Variants in PIF1 observed in about 807,000 individuals in gnomAD.
PIF1 encodes ATP-dependent DNA helicase PIF1.
A neutral mutation model predicts 62.3 loss-of-function variants in PIF1; 67 were observed. That is an observed-to-expected ratio of 1.08 (90% CI 0.88 to 1.32). PIF1 has a LOEUF of 1.32. PIF1 is among the 40% of genes most tolerant of loss of function. The pLI, the probability that PIF1 is intolerant of heterozygous loss-of-function variation, is 0.00. For missense variants in PIF1, 886 were observed against 866.1 expected (o/e 1.02, Z -0.29); for synonymous variants, 364 against 379.5 (o/e 0.96, Z 0.47).
chr15:64,822,677 C>G, intron 2 of PIF1, 67 bp from the exon 3 acceptor site: 1 of 1,599,434 alleles, frequency 6.3e-7, no homozygotes, highest in South Asian at 1.1e-5. Context: ...CCCTTCTTGG[C>G]CCATGTGCAA....
intron 8 of PIF1, 33 bp from the exon 9 acceptor site, chr15:64,819,256 A>G (rs1376069328): frequency 7.0e-7 from 1 of 1,430,008 alleles, no homozygotes; most frequent in East Asian, 2.4e-5. Context: ...ACAGATCACA[A>G]ATCACTGACT....
At position 64,819,036 on chromosome 15, in the gene PIF1, C is replaced by G; in HGVS notation, c.1440+81G>C. On this transcript the variant is annotated intron_variant, in intron 9 of 12. Coordinates refer to ENST00000559239, the MANE Select transcript of PIF1 (RefSeq NM_001286496.2). ...GCTGGGCCCACTGGCTGCAGAGTGG[C>G]CTGGGCAGAGGGGTAGGGATCAGCA... 3 of 1,071,512 alleles carry G rather than the reference C, an allele frequency of 2.8e-6. No individual in the cohort carries two copies. The South Asian group carries it at 5.3e-5, about 19-fold the overall frequency. 66.4% of individuals were successfully genotyped at this position (1,071,512 alleles called of 1,614,324 possible).
chr15:64,824,966 T>C (rs1021710262), intron 1 of PIF1, among the ~76,000 whole-genome samples: 6 of 150,862 alleles, frequency 4.0e-5, no homozygotes, highest in East Asian at 1.9e-4. Flanking sequence ...TATATATATA[T>C]ACACACAATA....
chr15:64,824,486 C>G, intron 1 of PIF1, 132 bp from the exon 2 acceptor site: 1 of 533,958 alleles, frequency 1.9e-6, no homozygotes, highest in Non-Finnish European at 2.8e-6. Context: ...CGAGGACTGT[C>G]ACTGGTAACA....
chr15:64,819,572 G>A (rs980208067), intron 8 of PIF1, among the ~76,000 whole-genome samples: 2 of 152,104 alleles, frequency 1.3e-5, no homozygotes, highest in African/African-American at 2.4e-5. Flanking sequence ...GCTTCCCAAA[G>A]TGCTGGAATT....
chr15:64,819,468 G>C (rs1479505431), intron 8 of PIF1, among the ~76,000 whole-genome samples: 1 of 151,956 alleles, frequency 6.6e-6, no homozygotes, highest in East Asian at 1.9e-4. Context: ...TACCACATCT[G>C]GCTAATTTTT....
Position 64,824,131 on chromosome 15 carries a change from A to G in PIF1, c.205T>C (p.Phe69Leu), listed in dbSNP as rs1430668773. The G allele has an allele frequency of 7.8e-7, 1 of 1,283,270 alleles. No homozygotes were observed. The highest frequency in any genetic ancestry group is 9.8e-7 in the Non-Finnish European group (1 of 1,017,190). 79.5% of individuals were successfully genotyped at this position (1,283,270 alleles called of 1,614,324 possible). A position where few individuals can be genotyped will look rare whatever the true frequency, so the allele number is the denominator to read the frequency against. ...APGPAGRPRC[F>L]PLRAARLFTR... ...AAGAGGCGCGCGGCGCGCAGAGGAA[A>G]GCAGCGCGGCCGCCCCGCGGGCCCT... is the stretch of plus-strand genomic sequence containing the variant. Residue 69 changes from phenylalanine (F) to leucine (L), a missense_variant, in exon 2 of 13, where the codon TTT (phenylalanine) becomes CTT (leucine). Coordinates refer to ENST00000559239, the MANE Select transcript of PIF1 (RefSeq NM_001286496.2).
At chr15:64,819,317 AT>A in intron 8 of PIF1, 94 bp from the exon 9 acceptor site, 1 of 892,066 alleles carries the variant, frequency 1.1e-6, no homozygotes, top group Non-Finnish European at 1.7e-6. Context: ...ATTTAATTTA[AT>A]TTTATTTTTT....
intron 2 of PIF1, 174 bp downstream of exon 2, chr15:64,823,604 G>A: frequency 2.3e-6 from 1 of 433,480 alleles, no homozygotes; most frequent in Non-Finnish European, 4.0e-6. Context: ...CTCCATCTCA[G>A]GGATTACACT....
At position 64,823,851 on chromosome 15, in the gene PIF1, G is replaced by C; in HGVS notation, c.485C>G (p.Ala162Gly). ...CGTAGTGTCCGGAACCCGGGTGGCC[G>C]CCCTGAGCCGCCGCTCCTCGGGCTG... ...PVQPEERRLR[A>G]ATRVPDTTLV... is the part of the protein sequence containing the mutation. Residue 162 changes from alanine (A) to glycine (G), a missense_variant, in exon 2 of 13, where the codon GCG (alanine) becomes GGG (glycine). Coordinates refer to ENST00000559239, the MANE Select transcript of PIF1 (RefSeq NM_001286496.2). The C allele has an allele frequency of 7.2e-7, 1 of 1,380,038 alleles. No homozygotes were observed. Among genetic ancestry groups the C allele is most frequent in the Non-Finnish European group, 9.5e-7 (1 of 1,056,046 alleles). 85.5% of individuals were successfully genotyped at this position (1,380,038 alleles called of 1,614,324 possible). A position where few individuals can be genotyped will look rare whatever the true frequency, so the allele number is the denominator to read the frequency against.
rs118062397 is a variant in PIF1 at position 64,821,488 on chromosome 15, A to T, written c.850T>A (p.Cys284Ser). 1 of 1,611,918 alleles carries T rather than the reference A, an allele frequency of 6.2e-7. No individual in the cohort carries two copies. Among genetic ancestry groups the T allele is most frequent in the African/African-American group, 1.3e-5 (1 of 74,274 alleles). The change falls in exon 5 of 13, where the codon TGT becomes AGT. Residue 284 changes from cysteine to serine, a missense_variant. Physicochemically the swap from Cys to Ser is moderately radical, Grantham distance 112. Coordinates refer to ENST00000559239, the MANE Select transcript of PIF1 (RefSeq NM_001286496.2). Reference sequence around the variant, plus strand: ...CCTGGCCTTTGGGCCAGGGCCACACACTGGGCTAGAGGAGCCTGGCCTGAG... The same window carrying T: ...CCTGGCCTTTGGGCCAGGGCCACACTCTGGGCTAGAGGAGCCTGGCCTGAG... ...IGSGQAPLAQ[C>S]VALAQRPGVR...
intron 1 of PIF1, among the ~76,000 whole-genome samples, chr15:64,824,998 T>C (rs12905739): frequency 0.59 from 86,542 of 146,294 alleles, 26,209 homozygotes; most frequent in East Asian, 0.94. Context: ...TCTATATATA[T>C]ACACACACAC....
At chr15:64,824,462 G>T in intron 1 of PIF1, 108 bp from the exon 2 acceptor site, 1 of 696,410 alleles carries the variant, frequency 1.4e-6, no homozygotes, top group Non-Finnish European at 2.0e-6. Flanking sequence ...CAGGGTCAAG[G>T]CTACACAAGA....
upstream of PIF1, among the ~76,000 whole-genome samples, chr15:64,825,980 C>T (rs1311670685): frequency 1.3e-5 from 2 of 152,182 alleles, no homozygotes; most frequent in African/African-American, 2.4e-5. Flanking sequence ...ACTCCCTCTC[C>T]CCTCTAGCCC....
intron 11 of PIF1, among the ~76,000 whole-genome samples, chr15:64,817,057 A>C (rs1253506910): frequency 6.6e-6 from 1 of 152,230 alleles, no homozygotes; most frequent in Admixed American, 6.5e-5. Context: ...GACATGGGAC[A>C]CATGAGCCCT....
At position 64,816,667 on chromosome 15, in the gene PIF1, T is replaced by C. The variant is rs1186391574; in HGVS notation, c.1773A>G (p.Leu591=). ...ALSRARSLQG[L]RVLDFDPMAV... is the part of the protein sequence containing the mutation. Reference sequence around the variant, plus strand: ...CCATGGGGTCAAAGTCCAGCACACGTAGGCCCTGCAGGCTGCGGGCCCGAG... The same window carrying C: ...CCATGGGGTCAAAGTCCAGCACACGCAGGCCCTGCAGGCTGCGGGCCCGAG... The change falls in exon 12 of 13, where the codon CTA becomes CTG. Residue 591 remains leucine (L), a synonymous_variant. Transcript: ENST00000559239. 1.9e-6 allele frequency: 3 copies of C among 1,614,014 alleles called. No individual in the cohort carries two copies. The highest frequency in any genetic ancestry group is 2.2e-5 in the East Asian group (1 of 44,880).
upstream of PIF1, among the ~76,000 whole-genome samples, chr15:64,826,669 C>CATAA (rs111251424): frequency 1.3e-5 from 1 of 75,826 alleles, no homozygotes; most frequent in South Asian, 4.2e-4. Context: ...TATATATACA[C>CATAA]ACACACACAC....
At chr15:64,825,333 T>C (rs976670964) in intron 1 of PIF1, among the ~76,000 whole-genome samples, 3 of 152,126 alleles carry the variant, frequency 2.0e-5, no homozygotes, top group Non-Finnish European at 4.4e-5. Context: ...GGAAACAGGC[T>C]AAGAGAGGGA....
Position 64,816,257 on chromosome 15 carries a change from A to C in PIF1, c.*41T>G, listed in dbSNP as rs771171159. 1 of 1,612,598 alleles carries C rather than the reference A, an allele frequency of 6.2e-7. No homozygotes were observed. The highest frequency in any genetic ancestry group is 1.1e-5 in the South Asian group (1 of 90,838). On this transcript the variant is annotated 3_prime_UTR_variant, in exon 13 of 13. Transcript: ENST00000559239. ...GCCACTAGGGAGCAGGAGGACGGGG[A>C]GGCCACAGGCCACCCTTTGTCTTCT...
Sources: allele counts gnomAD v4.1 joint callset (sites outside exome capture counted in the v4.1 genomes callset), GRCh38; gene constraint gnomAD v4.1.1; transcripts MANE v1.5; gene names NCBI Gene and HGNC (gene_info 2026-07-23, HGNC 2026-07-21).